LDLRAD4: variants seen among roughly 807,000 people sequenced by gnomAD.
LDLRAD4 encodes the protein low-density lipoprotein receptor class A domain-containing protein 4.
In LDLRAD4, 5 loss-of-function variants were observed where a neutral mutation model predicts 17.0. The observed-to-expected ratio is 0.29, with a 90% CI of 0.15 to 0.62. The LOEUF is 0.62. Ranked by LOEUF, LDLRAD4 falls within the 20% of genes least tolerant of loss-of-function variation. LDLRAD4 has a pLI of 0.84. For missense variants in LDLRAD4, 340 were observed against 424.7 expected (o/e 0.80, Z 1.75); for synonymous variants, 168 against 171.8 (o/e 0.98, Z 0.17).
chr18:13,297,302 G>A (rs1197318382), intron 1 of LDLRAD4, among the ~76,000 whole-genome samples: 1 of 152,172 alleles, frequency 6.6e-6, no homozygotes, highest in African/African-American at 2.4e-5. Flanking sequence ...GCACCGTTTG[G>A]TGTTTTCTGG....
At chr18:13,376,127 A>G (rs2085047) in intron 1 of LDLRAD4, among the ~76,000 whole-genome samples, 70,350 of 151,798 alleles carry the variant, frequency 0.46, 16,480 homozygotes, top group African/African-American at 0.52. Context: ...CTGTTGCGGG[A>G]AAGCTGCCCC....
At chr18:13,306,702 C>T (rs1359239855) in intron 1 of LDLRAD4, among the ~76,000 whole-genome samples, 5 of 152,146 alleles carry the variant, frequency 3.3e-5, no homozygotes, top group Non-Finnish European at 7.3e-5. Flanking sequence ...CTATCAAACC[C>T]GAAACAATAA....
chr18:13,332,633 C>T (rs2143781369), intron 1 of LDLRAD4, among the ~76,000 whole-genome samples: 1 of 152,262 alleles, frequency 6.6e-6, no homozygotes, highest in East Asian at 1.9e-4. Flanking sequence ...TCCAGAATGT[C>T]ATATGGTTGG....
chr18:13,456,230 T>A (rs890947735), intron 3 of LDLRAD4, among the ~76,000 whole-genome samples: 1 of 152,120 alleles, frequency 6.6e-6, no homozygotes, highest in Non-Finnish European at 1.5e-5. Context: ...ACGAGGAGCA[T>A]GTACACGTTT....
At chr18:13,354,466 G>C (rs1264152924) in intron 1 of LDLRAD4, among the ~76,000 whole-genome samples, 1 of 152,182 alleles carries the variant, frequency 6.6e-6, no homozygotes, top group Non-Finnish European at 1.5e-5. Context: ...GCATTCTCTT[G>C]CACATTCTGT....
chr18:13,610,891 A>G (rs556626420), intron 3 of LDLRAD4, among the ~76,000 whole-genome samples: 129 of 152,294 alleles, frequency 8.5e-4, no homozygotes, highest in African/African-American at 2.9e-3. Context: ...GGGGAGTTCC[A>G]TTTTTAATTC....
intron 1 of LDLRAD4, among the ~76,000 whole-genome samples, chr18:13,255,157 G>T (rs9963094): frequency 0.28 from 42,590 of 152,070 alleles, 6,775 homozygotes; most frequent in Admixed American, 0.42. Flanking sequence ...CCAGAGCCCT[G>T]CTGTGTGCTG....
rs145597925 is a variant in LDLRAD4 at position 13,529,810 on chromosome 18, A to G, written c.182-91307A>G. 4.6e-5 allele frequency among the ~76,000 whole-genome samples: 7 copies of G among 152,368 alleles called. No homozygotes were observed. In the East Asian group the frequency reaches 1.3e-3, roughly 29 times the overall value. On this transcript the variant is annotated intron_variant, in intron 3 of 5. Transcript: ENST00000359446. ...TGTGTTTCATCCACATAGGCTGTCCACAGAGTGTGTCCTCTTGTTACGCTG... is the reference window on the plus strand; with the variant it reads ...TGTGTTTCATCCACATAGGCTGTCCGCAGAGTGTGTCCTCTTGTTACGCTG...
intron 1 of LDLRAD4, among the ~76,000 whole-genome samples, chr18:13,228,328 G>A (rs1348200479): frequency 6.6e-6 from 1 of 152,190 alleles, no homozygotes; most frequent in Non-Finnish European, 1.5e-5. Flanking sequence ...ATTTTCCTCA[G>A]TGAGGTGGTG....
At chr18:13,312,037 G>A (rs781090617) in intron 1 of LDLRAD4, among the ~76,000 whole-genome samples, 10 of 151,920 alleles carry the variant, frequency 6.6e-5, no homozygotes, top group East Asian at 1.9e-4. Flanking sequence ...GGGTTTCACC[G>A]TGTTAGCCAG....
chr18:13,271,115 C>T (rs772678846), intron 1 of LDLRAD4, among the ~76,000 whole-genome samples: 2 of 152,186 alleles, frequency 1.3e-5, no homozygotes, highest in African/African-American at 2.4e-5. Context: ...TAAACACATA[C>T]ACCAGTGAGC....
chr18:13,576,440 A>G (rs2148399140), intron 3 of LDLRAD4, among the ~76,000 whole-genome samples: 2 of 82,756 alleles, frequency 2.4e-5, no homozygotes, highest in South Asian at 5.9e-4. Context: ...AAAAAAAAAA[A>G]GAAAGAAAGA....
chr18:13,269,549 C>T (rs2044403284), intron 1 of LDLRAD4, among the ~76,000 whole-genome samples: 1 of 151,706 alleles, frequency 6.6e-6, no homozygotes, highest in Middle Eastern at 3.4e-3. Flanking sequence ...TCAAATGAAC[C>T]GGGGTAGATG....
Position 13,621,713 on chromosome 18 carries a change from C to T in LDLRAD4, c.336+442C>T, listed in dbSNP as rs73415939. On this transcript the variant is annotated intron_variant, in intron 4 of 5. Coordinates refer to ENST00000359446, the Ensembl canonical transcript of LDLRAD4. The surrounding 1 kb of genome is among the most constrained non-coding windows in gnomAD (Gnocchi z 5.5). The stretch of plus-strand genomic sequence containing the variant: ...ACGCGCTCATCGTCACTAAACGTGC[C>T]GGCAGCACATGGGTGCCATGAGCTG... 0.025 allele frequency among the ~76,000 whole-genome samples: 3,845 copies of T among 152,234 alleles called. 155 individuals carry two copies. Among genetic ancestry groups the T allele is most frequent in the African/African-American group, 0.087 (3,597 of 41,530 alleles).
intron 3 of LDLRAD4, among the ~76,000 whole-genome samples, chr18:13,529,889 G>A (rs536361666): frequency 4.6e-5 from 7 of 152,308 alleles, no homozygotes; most frequent in South Asian, 2.1e-4. Flanking sequence ...AAGAGGTTCC[G>A]TTTTGAAGCA....
intron 3 of LDLRAD4, among the ~76,000 whole-genome samples, chr18:13,469,207 G>C (rs929922586): frequency 1.3e-5 from 2 of 152,148 alleles, no homozygotes; most frequent in African/African-American, 4.8e-5. Flanking sequence ...TACCAGAGGG[G>C]TTATGATTTT....
chr18:13,353,753 G>A (rs946846280), intron 1 of LDLRAD4, among the ~76,000 whole-genome samples: 16 of 152,190 alleles, frequency 1.1e-4, no homozygotes, highest in Non-Finnish European at 1.9e-4. Flanking sequence ...CCAGCCCAAG[G>A]CTACACCAGG....
At chr18:13,544,885 CTTT>C (rs58284452) in intron 3 of LDLRAD4, among the ~76,000 whole-genome samples, 4,641 of 122,830 alleles carry the variant, frequency 0.038, 237 homozygotes, top group African/African-American at 0.12. Context: ...GATGGTTTGT[CTTT>C]TTTTTTTTTT....
chr18:13,448,223 T>C (rs1410254285), intron 3 of LDLRAD4, among the ~76,000 whole-genome samples: 1 of 152,156 alleles, frequency 6.6e-6, no homozygotes, highest in Non-Finnish European at 1.5e-5. Flanking sequence ...CGTGTGTGCT[T>C]AAGACGGGAA....
Sources: allele counts gnomAD v4.1 joint callset (sites outside exome capture counted in the v4.1 genomes callset), GRCh38; gene constraint gnomAD v4.1.1; non-coding constraint Gnocchi (gnomAD v3.1); transcripts MANE v1.5; gene names NCBI Gene and HGNC (gene_info 2026-07-23, HGNC 2026-07-21).